Variants in NRP2 observed in about 807,000 individuals in gnomAD.
NRP2 encodes neuropilin 2, also known as neuropilin-2.
A neutral mutation model predicts 110.4 loss-of-function variants in NRP2; 52 were observed. The observed-to-expected ratio is 0.47, with a 90% confidence interval of 0.38 to 0.59. The LOEUF (loss-of-function observed/expected upper bound fraction) is 0.59, where lower values mean the gene tolerates loss of function less well. Among genes scored for constraint, NRP2 ranks in the 20% least tolerant of loss-of-function variants. The pLI is 0.00. For missense variants in NRP2, 1,049 were observed against 1,203.0 expected (o/e 0.87, Z 1.89); for synonymous variants, 508 against 468.9 (o/e 1.08, Z -1.08).
At chr2:205,753,086 C>G (rs1297514880) in intron 12 of NRP2, 111 bp downstream of exon 12, 3 of 1,408,636 alleles carry the variant, frequency 2.1e-6, no homozygotes, top group Non-Finnish European at 2.0e-6. Flanking sequence ...CAGCAATCCT[C>G]TATTCTTTGC....
chr2:205,753,034 C>T (rs752789827), intron 12 of NRP2, 59 bp downstream of exon 12: 644 of 1,602,868 alleles, frequency 4.0e-4, no homozygotes, highest in Non-Finnish European at 5.1e-4. Context: ...CCACATACTT[C>T]AACCCCAGAT....
At chr2:205,724,475 T>C (rs892685061) in intron 5 of NRP2, among the ~76,000 whole-genome samples, 1 of 152,070 alleles carries the variant, frequency 6.6e-6, no homozygotes, top group Non-Finnish European at 1.5e-5. Flanking sequence ...CCACCAAAGA[T>C]AGTTTGTGGA....
chr2:205,733,979 G>GC (rs1374183458), intron 7 of NRP2, among the ~76,000 whole-genome samples: 3 of 152,040 alleles, frequency 2.0e-5, no homozygotes, highest in Non-Finnish European at 2.9e-5. Context: ...GCACATCCCC[G>GC]CCCCCCAGAA....
rs920968797 is a variant in NRP2, at chr2:205,797,671, C to A, written c.*2613C>A. The A allele has an allele frequency of 6.6e-6, 1 of 152,632 alleles. No homozygotes were observed. Among genetic ancestry groups the A allele is most frequent in the African/African-American group, 2.4e-5 (1 of 41,446 alleles). The allele number at this position is 152,632 out of a possible 1,614,324, so 9.5% of individuals were successfully genotyped here. On this transcript the variant is annotated 3_prime_UTR_variant, in exon 17 of 17. Coordinates refer to ENST00000357785, the MANE Select transcript of NRP2 (RefSeq NM_003872.3). ...CAATTTTGACTTGGCCAGGGGACAC[C>A]TTGGTGTGTTTGTTATCTTTATCTG...
chr2:205,707,722 G>C (rs1462346054), intron 2 of NRP2, among the ~76,000 whole-genome samples: 5 of 152,176 alleles, frequency 3.3e-5, no homozygotes, highest in African/African-American at 9.7e-5. Context: ...TTCCCAGCAG[G>C]CTCCCGTTTT....
intron 7 of NRP2, among the ~76,000 whole-genome samples, chr2:205,738,964 T>C (rs374773902): frequency 2.0e-5 from 3 of 152,218 alleles, no homozygotes; most frequent in East Asian, 3.8e-4. Flanking sequence ...TAAATGGCTC[T>C]AACTTTTAAC....
chr2:205,745,149 C>T (rs1407137467), intron 9 of NRP2, among the ~76,000 whole-genome samples: 26 of 152,094 alleles, frequency 1.7e-4, no homozygotes, highest in Admixed American at 1.7e-3. Flanking sequence ...ACTGGGGCTC[C>T]ATGTGAGGTT....
chr2:205,742,776 GAC>G (rs1160336339), intron 8 of NRP2, among the ~76,000 whole-genome samples: 1 of 152,240 alleles, frequency 6.6e-6, no homozygotes, highest in Non-Finnish European at 1.5e-5. Context: ...GGGATGTGCA[GAC>G]ACACATTCTG....
chr2:205,795,150 T>A lies in NRP2; in HGVS notation c.*92T>A. On this transcript the variant is annotated 3_prime_UTR_variant, in exon 17 of 17. Transcript: ENST00000357785. ...TTTTTCCTTTGGAAACTGAATGCCA[T>A]AATCTCGATCAAACCGATCCAGAAT... 8.0e-7 allele frequency: 1 copy of A among 1,245,598 alleles called. No individual in the cohort carries two copies. Among genetic ancestry groups the A allele is most frequent in the Non-Finnish European group, 1.1e-6 (1 of 873,082 alleles). 77.2% of individuals were successfully genotyped at this position (1,245,598 alleles called of 1,614,324 possible). A position where few individuals can be genotyped will look rare whatever the true frequency, so the allele number is the denominator to read the frequency against.
At chr2:205,733,419 T>C (rs1378212638) in intron 7 of NRP2, among the ~76,000 whole-genome samples, 2 of 152,164 alleles carry the variant, frequency 1.3e-5, no homozygotes, top group Non-Finnish European at 1.5e-5. Flanking sequence ...ATCATGTTCC[T>C]TGCCCCAACC....
chr2:205,697,393 G>T (rs977124221), intron 1 of NRP2, 151 bp from the exon 2 acceptor site: 1 of 767,584 alleles, frequency 1.3e-6, no homozygotes, highest in Non-Finnish European at 2.3e-6. Flanking sequence ...CTCTTCCACC[G>T]AATGAGTAAG....
intron 7 of NRP2, among the ~76,000 whole-genome samples, chr2:205,739,489 C>T (rs1048486126): frequency 3.3e-5 from 5 of 152,086 alleles, no homozygotes; most frequent in Non-Finnish European, 5.9e-5. Context: ...TATCAGGAGC[C>T]GAAACATCTA....
chr2:205,785,718 G>A (rs1053573335), intron 15 of NRP2, among the ~76,000 whole-genome samples: 3 of 152,078 alleles, frequency 2.0e-5, no homozygotes, highest in African/African-American at 7.2e-5. Flanking sequence ...GAGACATTCT[G>A]GCCTCAGCTG....
At chr2:205,737,003 A>G (rs1166901724) in intron 7 of NRP2, among the ~76,000 whole-genome samples, 1 of 152,274 alleles carries the variant, frequency 6.6e-6, no homozygotes, top group East Asian at 1.9e-4. Flanking sequence ...CCATTGGGTC[A>G]GGATAAATAG....
intron 11 of NRP2, 101 bp downstream of exon 11, chr2:205,749,942 C>A: frequency 1.1e-6 from 1 of 913,024 alleles, no homozygotes; most frequent in Non-Finnish European, 1.8e-6. Context: ...GATCAGAGAT[C>A]CAGGGGATCT....
At chr2:205,748,997 T>C (rs368190915) in intron 10 of NRP2, among the ~76,000 whole-genome samples, 1 of 152,190 alleles carries the variant, frequency 6.6e-6, no homozygotes, top group East Asian at 1.9e-4. Flanking sequence ...TTTTAATAAG[T>C]TGCCAACATG....
intron 15 of NRP2, among the ~76,000 whole-genome samples, chr2:205,781,623 A>G (rs1353649832): frequency 3.3e-5 from 5 of 152,222 alleles, no homozygotes; most frequent in African/African-American, 1.2e-4. Flanking sequence ...TGGGCTACAC[A>G]TCTGAGCCAA....
chr2:205,731,492 C>A (rs534028070), intron 7 of NRP2, among the ~76,000 whole-genome samples: 1 of 152,294 alleles, frequency 6.6e-6, no homozygotes, highest in Admixed American at 6.5e-5. Context: ...CATGATTCTG[C>A]ACTGGGGATA....
intron 2 of NRP2, chr2:205,701,144 A>G (rs757437556): frequency 6.1e-6 from 1 of 162,684 alleles, no homozygotes; most frequent in Non-Finnish European, 1.3e-5. Context: ...TTTTTAAAAC[A>G]CCCACCTGCA....
Sources: gnomAD v4.1 joint callset for allele counts (sites outside exome capture counted in the v4.1 genomes callset) on GRCh38, gnomAD v4.1.1 for gene constraint, MANE v1.5 for transcripts, NCBI Gene and HGNC (gene_info 2026-07-23, HGNC 2026-07-21) for gene names.